The following TPTE2 variants were observed in gnomAD, a reference collection of about 807,000 sequenced individuals.
TPTE2 encodes the protein transmembrane phosphoinositide 3-phosphatase and tensin homolog 2, also known as phosphatidylinositol 3,4,5-trisphosphate 3-phosphatase TPTE2.
In TPTE2, 53 loss-of-function variants were observed where a neutral mutation model predicts 78.6. The observed-to-expected ratio is 0.67, with a 90% CI of 0.54 to 0.85. The LOEUF is 0.85. TPTE2 is among the 40% of genes least tolerant of loss of function. The probability of loss-of-function intolerance (pLI) is 0.00; values close to 1 mark genes in which losing one functional copy is unlikely to be tolerated. For missense variants in TPTE2, 461 were observed against 623.0 expected, an observed-to-expected ratio of 0.74 and a Z score of 2.77; for synonymous variants, 175 against 206.2, an observed-to-expected ratio of 0.85 and a Z score of 1.30.
intron 3 of TPTE2, among the ~76,000 whole-genome samples, chr13:19,489,344 A>G (rs1880845086): frequency 6.6e-6 from 1 of 152,098 alleles, no homozygotes; most frequent in African/African-American, 2.4e-5. Flanking sequence ...GTTTATAAAA[A>G]AGTAATATCT....
intron 6 of TPTE2, among the ~76,000 whole-genome samples, chr13:19,473,001 T>C (rs942064801): frequency 6.6e-6 from 1 of 152,216 alleles, no homozygotes; most frequent in African/African-American, 2.4e-5. Context: ...AGGATAATTC[T>C]CTGCATTACC....
intron 1 of TPTE2, among the ~76,000 whole-genome samples, chr13:19,519,250 G>GT (rs1869999230): frequency 1.3e-5 from 2 of 152,030 alleles, no homozygotes; most frequent in Non-Finnish European, 2.9e-5. Context: ...AAAAACTGCT[G>GT]TATCAGGGCC....
the TPTE2 span, among the ~76,000 whole-genome samples, chr13:19,549,075 G>A: frequency 4.1e-5 from 6 of 146,144 alleles, no homozygotes; most frequent in Non-Finnish European, 9.0e-5. Context: ...AGCTGAGATT[G>A]CCCCACTGTG....
At chr13:19,441,544 G>A (rs1263147798) in intron 13 of TPTE2, among the ~76,000 whole-genome samples, 8 of 152,138 alleles carry the variant, frequency 5.3e-5, no homozygotes, top group Non-Finnish European at 1.2e-4. Context: ...CATATTCATT[G>A]ATTAAAGAAG....
chr13:19,551,415 C>T, the TPTE2 span, among the ~76,000 whole-genome samples: 1 of 152,024 alleles, frequency 6.6e-6, no homozygotes, highest in Non-Finnish European at 1.5e-5. Flanking sequence ...CACTGCGAAA[C>T]CCCATCTCTA....
chr13:19,422,985 G>A, exon 20 of TPTE2: 1 of 1,567,586 alleles, frequency 6.4e-7, no homozygotes, highest in Non-Finnish European at 8.7e-7. Flanking sequence ...GGCAGGGGTT[G>A]GAAAGAACAT....
chr13:19,439,394 T>C lies in TPTE2; in HGVS notation c.974-1241A>G, dbSNP rs1368123222. On this transcript the variant is annotated intron_variant, in intron 13 of 19. Coordinates refer to ENST00000400230, the Ensembl canonical transcript of TPTE2. ...CCCAGCATGCTCTACAGTCACACCC[T>C]CTAGGGAGAAGGGAAAGGGAAAGAA... is the stretch of plus-strand genomic sequence containing the variant. 1.5e-4 allele frequency among the ~76,000 whole-genome samples: 22 copies of C among 150,928 alleles called. No homozygotes were observed. In the East Asian group the frequency reaches 2.7e-3, roughly 19 times the overall value.
chr13:19,556,329 G>C, the TPTE2 span, among the ~76,000 whole-genome samples: 7 of 152,044 alleles, frequency 4.6e-5, no homozygotes, highest in Admixed American at 4.6e-4. Context: ...AGTACAATTT[G>C]TTCAAAAAAA....
At chr13:19,509,235 C>T (rs953555872) in intron 1 of TPTE2, among the ~76,000 whole-genome samples, 1 of 152,042 alleles carries the variant, frequency 6.6e-6, no homozygotes, top group Non-Finnish European at 1.5e-5. Context: ...AAAAGAAGCA[C>T]AGGGCAAAGT....
At chr13:19,437,738 G>C (rs1003335211) in intron 14 of TPTE2, among the ~76,000 whole-genome samples, 5 of 151,992 alleles carry the variant, frequency 3.3e-5, no homozygotes, top group African/African-American at 1.2e-4. Flanking sequence ...ATCAGGTCTT[G>C]TCTTTATTTA....
chr13:19,498,132 A>C (rs1465067103), intron 1 of TPTE2, among the ~76,000 whole-genome samples: 8 of 152,118 alleles, frequency 5.3e-5, no homozygotes, highest in South Asian at 4.1e-4. Context: ...CAAAGCCTCC[A>C]AGAAATATGG....
chr13:19,529,939 C>T (rs1277004501), intron 1 of TPTE2, among the ~76,000 whole-genome samples: 3 of 152,142 alleles, frequency 2.0e-5, no homozygotes, highest in African/African-American at 7.2e-5. Context: ...ACTGAAGTAG[C>T]CCCAGAAACT....
At chr13:19,543,103 G>A in the TPTE2 span, among the ~76,000 whole-genome samples, 1 of 151,164 alleles carries the variant, frequency 6.6e-6, no homozygotes, top group East Asian at 1.9e-4. Context: ...TGTCACCCAG[G>A]CTGGAGTGCA....
At chr13:19,426,348 T>C (rs1876072828) in intron 18 of TPTE2, 77 bp downstream of exon 21, 1 of 1,043,826 alleles carries the variant, frequency 9.6e-7, no homozygotes. Context: ...TTGTTGGGAA[T>C]TGTAGTAAAG....
chr13:19,435,931 C>G (rs1877050801), intron 15 of TPTE2, among the ~76,000 whole-genome samples: 1 of 152,114 alleles, frequency 6.6e-6, no homozygotes, highest in Non-Finnish European at 1.5e-5. Context: ...GGTCCTGGAG[C>G]CTTGGGTACT....
chr13:19,481,566 A>AACAAT (rs1489921921), intron 4 of TPTE2, among the ~76,000 whole-genome samples: 1 of 152,226 alleles, frequency 6.6e-6, no homozygotes, highest in East Asian at 1.9e-4. Flanking sequence ...TTTGTAATTT[A>AACAAT]AAAATAAAAT....
intron 13 of TPTE2, among the ~76,000 whole-genome samples, chr13:19,440,212 T>A (rs1877398261): frequency 6.6e-6 from 1 of 151,996 alleles, no homozygotes; most frequent in African/African-American, 2.4e-5. Context: ...AAAGGCCAGA[T>A]CACACACAAA....
chr13:19,429,238 AG>A (rs1277111445), intron 17 of TPTE2, among the ~76,000 whole-genome samples: 1 of 152,252 alleles, frequency 6.6e-6, no homozygotes, highest in African/African-American at 2.4e-5. Flanking sequence ...AGAAAGGGTA[AG>A]GAGACCACTG....
chr13:19,460,411 A>G (rs1878814097), intron 10 of TPTE2, among the ~76,000 whole-genome samples: 1 of 152,200 alleles, frequency 6.6e-6, no homozygotes, highest in African/African-American at 2.4e-5. Flanking sequence ...CAATGTGACA[A>G]CCTGGTTATC....
Sources: gnomAD v4.1 joint callset for allele counts (sites outside exome capture counted in the v4.1 genomes callset) on GRCh38, gnomAD v4.1.1 for gene constraint, MANE v1.5 for transcripts, NCBI Gene and HGNC (gene_info 2026-07-23, HGNC 2026-07-21) for gene names.